The following TASP1 variants were observed in gnomAD, a reference collection of about 807,000 sequenced individuals.
TASP1 encodes threonine aspartase 1.
In TASP1, 16 loss-of-function variants were observed where a neutral mutation model predicts 56.6. The ratio of observed to expected loss-of-function variants is 0.28; its 90% confidence interval spans 0.19 to 0.43. The LOEUF (loss-of-function observed/expected upper bound fraction) is 0.43. TASP1 is among the 20% of genes least tolerant of loss of function. The pLI, the probability that TASP1 is intolerant of heterozygous loss-of-function variation, is 1.00. For synonymous variants in TASP1, 179 were observed against 184.2 expected, an observed-to-expected ratio of 0.97 and a Z score of 0.23; for missense variants, 393 against 511.6, an observed-to-expected ratio of 0.77 and a Z score of 2.24.
intron 4 of TASP1, among the ~76,000 whole-genome samples, chr20:13,610,251 T>C (rs1406901017): frequency 2.6e-5 from 4 of 152,236 alleles, no homozygotes; most frequent in Non-Finnish European, 4.4e-5. Context: ...ATGCTTCATT[T>C]TGTATTCTAA....
At chr20:13,560,743 C>CA (rs2046318188) in intron 7 of TASP1, among the ~76,000 whole-genome samples, 1 of 152,058 alleles carries the variant, frequency 6.6e-6, no homozygotes, top group African/African-American at 2.4e-5. Context: ...TACAAATATA[C>CA]ACACTGTACA....
At chr20:13,230,700 G>A in the TASP1 span, among the ~76,000 whole-genome samples, 2 of 149,802 alleles carry the variant, frequency 1.3e-5, no homozygotes, top group African/African-American at 5.0e-5. Context: ...TTAGTGCCCA[G>A]ATTATATGTA....
At chr20:13,321,935 C>A in the TASP1 span, among the ~76,000 whole-genome samples, 9 of 152,220 alleles carry the variant, frequency 5.9e-5, no homozygotes, top group Middle Eastern at 3.4e-3. Context: ...CTTCTCCATG[C>A]CTTCGTTTCT....
the TASP1 span, among the ~76,000 whole-genome samples, chr20:13,339,121 G>A: frequency 6.6e-6 from 1 of 152,216 alleles, no homozygotes; most frequent in East Asian, 1.9e-4. Flanking sequence ...AGGACTGGCA[G>A]AGTTGAACAC....
downstream of TASP1, chr20:13,389,374 T>C (rs2041195977): frequency 6.6e-6 from 1 of 152,152 alleles, no homozygotes; most frequent in Admixed American, 6.5e-5. Flanking sequence ...ATAAACAAAA[T>C]AAATAATAGC....
At chr20:13,224,906 C>T in the TASP1 span, among the ~76,000 whole-genome samples, 12 of 140,048 alleles carry the variant, frequency 8.6e-5, no homozygotes, top group South Asian at 4.5e-4. Context: ...AGTGCAGTGG[C>T]GCGATCTCTG....
rs563361400 is a variant in TASP1 at position 13,473,311 on chromosome 20, G to A, written c.985+9916C>T. On this transcript the variant is annotated intron_variant, in intron 11 of 13. Transcript: ENST00000337743. ...ATGAGAACACATGGACACAGGAAGT[G>A]GAACATCACACACCGGGGCCTGTTG... Among the ~76,000 whole-genome samples, 184 of 151,656 alleles carry A rather than the reference G, an allele frequency of 1.2e-3. 2 individuals carry two copies. The highest frequency in any genetic ancestry group is 2.0e-3 in the Non-Finnish European group (138 of 67,894).
At chr20:13,601,871 T>C (rs2047971791) in intron 4 of TASP1, among the ~76,000 whole-genome samples, 1 of 42,484 alleles carries the variant, frequency 2.4e-5, no homozygotes, top group South Asian at 1.1e-3. Flanking sequence ...CCCCATTCTT[T>C]TTTTTTTTTT....
chr20:13,253,547 A>G, the TASP1 span, among the ~76,000 whole-genome samples: 1 of 152,278 alleles, frequency 6.6e-6, no homozygotes, highest in African/African-American at 2.4e-5. Context: ...TCTCTTGGTG[A>G]GAGCAGAGGT....
chr20:13,154,234 G>T, the TASP1 span: 2 of 1,489,532 alleles, frequency 1.3e-6, no homozygotes, highest in African/African-American at 2.8e-5. Context: ...CTGGAATGGG[G>T]TGAGTGAGTT....
chr20:13,160,992 C>T, the TASP1 span, among the ~76,000 whole-genome samples: 6 of 151,972 alleles, frequency 3.9e-5, no homozygotes, highest in Non-Finnish European at 7.4e-5. Context: ...ATGAAATAAA[C>T]GTGACAAATG....
the TASP1 span, among the ~76,000 whole-genome samples, chr20:13,336,803 A>G: frequency 6.6e-6 from 1 of 152,272 alleles, no homozygotes; most frequent in East Asian, 1.9e-4. Flanking sequence ...AGATAAAAAG[A>G]GCAGGTACTC....
chr20:13,343,816 C>T, the TASP1 span, among the ~76,000 whole-genome samples: 1 of 152,128 alleles, frequency 6.6e-6, no homozygotes, highest in Non-Finnish European at 1.5e-5. Flanking sequence ...GAAAGAAAGA[C>T]ATTAGGGATC....
chr20:13,371,312 G>A, the TASP1 span, among the ~76,000 whole-genome samples: 95,474 of 151,886 alleles, frequency 0.63, 30,292 homozygotes, highest in Non-Finnish European at 0.67. Context: ...ACTTCCCTGT[G>A]AGCACTGCTT....
At chr20:13,149,238 T>C in the TASP1 span, among the ~76,000 whole-genome samples, 22 of 152,222 alleles carry the variant, frequency 1.4e-4, no homozygotes, top group Non-Finnish European at 2.9e-4. Context: ...AACTACTTAA[T>C]TGGAGACTCT....
chr20:13,170,856 G>A, the TASP1 span, among the ~76,000 whole-genome samples: 2 of 152,246 alleles, frequency 1.3e-5, no homozygotes, highest in East Asian at 3.9e-4. Context: ...CCAAATGTGT[G>A]GGGTTTTTTC....
intron 6 of TASP1, among the ~76,000 whole-genome samples, chr20:13,573,048 C>T (rs988898157): frequency 6.6e-6 from 1 of 151,974 alleles, no homozygotes; most frequent in East Asian, 1.9e-4. Context: ...TTCATAAATA[C>T]AAAAAACTGA....
intron 10 of TASP1, among the ~76,000 whole-genome samples, chr20:13,528,131 G>A (rs568320929): frequency 2.1e-5 from 3 of 142,278 alleles, no homozygotes; most frequent in East Asian, 2.2e-4. Flanking sequence ...GCTGAAGCAT[G>A]AGAATCACTT....
chr20:13,382,930 G>A, the TASP1 span, among the ~76,000 whole-genome samples: 81 of 152,300 alleles, frequency 5.3e-4, no homozygotes, highest in Admixed American at 2.4e-3. Context: ...GCTCAGGGAC[G>A]ACCTTGCCAA....
Sources: gnomAD v4.1 joint callset for allele counts (sites outside exome capture counted in the v4.1 genomes callset) on GRCh38, gnomAD v4.1.1 for gene constraint, MANE v1.5 for transcripts, NCBI Gene and HGNC (gene_info 2026-07-23, HGNC 2026-07-21) for gene names.